JPT2: variants seen among roughly 807,000 people sequenced by gnomAD.
The protein encoded by JPT2 is Jupiter microtubule associated homolog 2, also known as CRAMP_1 like.
JPT2 carries 9 observed loss-of-function variants against 15.9 expected under a neutral mutation model. The ratio of observed to expected loss-of-function variants is 0.57; its 90% CI spans 0.34 to 0.99. JPT2 has a LOEUF of 0.99. Among genes scored for constraint, JPT2 ranks in the 50% least tolerant of loss-of-function variants. JPT2 has a pLI of 0.02. For missense variants in JPT2, 267 were observed against 252.1 expected (o/e 1.06, Z -0.40); for synonymous variants, 95 against 91.7 (o/e 1.04, Z -0.21).
intron 1 of JPT2, chr16:1,683,581 A>G: frequency 2.0e-6 from 3 of 1,535,278 alleles, no homozygotes; most frequent in Non-Finnish European, 1.7e-6. Context: ...GGCCCTGGGC[A>G]CCACTTCAGA....
At chr16:1,687,935 G>A (rs894518115) in intron 2 of JPT2, among the ~76,000 whole-genome samples, 3 of 152,156 alleles carry the variant, frequency 2.0e-5, no homozygotes, top group Admixed American at 2.0e-4. Flanking sequence ...TGCAGAGGCC[G>A]AGAGTGTGTG....
At chr16:1,691,059 G>C (rs2037100573) in intron 2 of JPT2, among the ~76,000 whole-genome samples, 1 of 152,130 alleles carries the variant, frequency 6.6e-6, no homozygotes, top group East Asian at 1.9e-4. Context: ...GTGCACCAGG[G>C]CCATGATTTT....
At chr16:1,686,840 G>T (rs570853932) in intron 2 of JPT2, 2 of 152,324 alleles carry the variant, frequency 1.3e-5, no homozygotes, top group East Asian at 3.9e-4. Context: ...GGTTTGAGAG[G>T]CCGTGCTTAG....
chr16:1,697,750 C>G lies in JPT2; in HGVS notation c.337-62C>G, dbSNP rs2037152944. ...GTTATATGGTCCTGATTTTCATTGT[C>G]CATTTGAATGAGGGTAAAATTTTCT... On this transcript the variant is annotated intron_variant, in intron 3 of 4. Coordinates refer to ENST00000248098, the MANE Select transcript of JPT2 (RefSeq NM_144570.3). 7.4e-6 allele frequency: 11 copies of G among 1,479,472 alleles called. No individual in the cohort carries two copies. In the South Asian group the frequency reaches 1.3e-4, roughly 17 times the overall value. 91.6% of individuals were successfully genotyped at this position (1,479,472 alleles called of 1,614,324 possible). A position where few individuals can be genotyped will look rare whatever the true frequency, so the allele number is the denominator to read the frequency against.
chr16:1,683,457 A>G (rs1381890349), intron 1 of JPT2: 1 of 1,209,406 alleles, frequency 8.3e-7, no homozygotes, highest in Non-Finnish European at 1.2e-6. Flanking sequence ...TTAAAAAATA[A>G]TTTTTCTTAA....
At chr16:1,686,411 G>C (rs2037066996) in intron 2 of JPT2, 1 of 154,890 alleles carries the variant, frequency 6.5e-6, no homozygotes, top group African/African-American at 2.4e-5. Flanking sequence ...AGGTTTCTCA[G>C]CCGGGCGTGG....
At chr16:1,688,295 G>C (rs920003501) in intron 2 of JPT2, 1 of 152,212 alleles carries the variant, frequency 6.6e-6, no homozygotes, top group Non-Finnish European at 1.5e-5. Flanking sequence ...CCGTAGCAGA[G>C]CTAGTCGGTA....
chr16:1,698,235 A>G lies in JPT2; in HGVS notation c.385+375A>G, dbSNP rs1443199726. On this transcript the variant is annotated intron_variant, in intron 4 of 4. Coordinates refer to ENST00000248098, the MANE Select transcript of JPT2 (RefSeq NM_144570.3). This position sits in a 1 kb window ranked among gnomAD's most constrained non-coding sequence, Gnocchi z 4.9. Reference sequence around the variant, plus strand: ...GGAGGATGGGGAGGCGGGTGTCTCCATGGTGAGTCACCCCGGGGGAGTGAG... The same window carrying G: ...GGAGGATGGGGAGGCGGGTGTCTCCGTGGTGAGTCACCCCGGGGGAGTGAG... Among the ~76,000 whole-genome samples, 2 of 152,214 alleles carry G rather than the reference A, an allele frequency of 1.3e-5. No homozygotes were observed. The highest frequency in any genetic ancestry group is 1.3e-4 in the Admixed American group (2 of 15,282).
intron 1 of JPT2, among the ~76,000 whole-genome samples, chr16:1,679,486 A>G (rs1012380797): frequency 3.9e-5 from 6 of 152,130 alleles, no homozygotes; most frequent in Admixed American, 3.3e-4. Context: ...ACGTGAGGTC[A>G]AGAGTTCGAG....
At position 1,698,906 on chromosome 16, in the gene JPT2, G is replaced by C; in HGVS notation, c.481G>C (p.Asp161His). Residue 161 changes from aspartate to histidine, a missense_variant, in exon 5 of 5, where the codon GAC becomes CAC. Coordinates refer to ENST00000248098, the MANE Select transcript of JPT2 (RefSeq NM_144570.3). This position sits in a 1 kb window ranked among gnomAD's most constrained non-coding sequence, Gnocchi z 4.9. Reference sequence around the variant, plus strand: ...GGAGCAGGAGCCCATGCCCACAGTCGACAGCCATGAGCCCCGGCTGGGGCC... The same window carrying C: ...GGAGCAGGAGCCCATGCCCACAGTCCACAGCCATGAGCCCCGGCTGGGGCC... ...AKEQEPMPTV[D>H]SHEPRLGPRP... is the part of the protein sequence containing the mutation. The C allele has an allele frequency of 6.2e-7, 1 of 1,614,214 alleles. No homozygotes were observed. The highest frequency in any genetic ancestry group is 8.5e-7 in the Non-Finnish European group (1 of 1,180,036).
At chr16:1,681,465 T>C (rs2037022752) in intron 1 of JPT2, among the ~76,000 whole-genome samples, 1 of 152,192 alleles carries the variant, frequency 6.6e-6, no homozygotes, top group African/African-American at 2.4e-5. Context: ...TGTGTTTCCA[T>C]CACCCCAAAG....
chr16:1,700,324 C>T lies in JPT2; in HGVS notation c.*1326C>T, dbSNP rs544458756. Reference sequence around the variant, plus strand: ...TCTTCAGGCAGAAGCCTCTGCCCATCCCCCTCAAGGGCTGCAGGCCCAGTT... The same window carrying T: ...TCTTCAGGCAGAAGCCTCTGCCCATTCCCCTCAAGGGCTGCAGGCCCAGTT... On this transcript the variant is annotated 3_prime_UTR_variant, in exon 5 of 5. Transcript: ENST00000248098. 2.1e-4 allele frequency: 76 copies of T among 361,250 alleles called. No individual in the cohort carries two copies. The highest frequency in any genetic ancestry group is 1.3e-3 in the African/African-American group (61 of 47,594). The allele number at this position is 361,250 out of a possible 1,614,324, so 22.4% of individuals were successfully genotyped here. A position where few individuals can be genotyped will look rare whatever the true frequency, so the allele number is the denominator to read the frequency against.
Position 1,701,674 on chromosome 16 carries a change from A to C in JPT2, c.*2676A>C, listed in dbSNP as rs1191147006. The C allele has an allele frequency of 2.0e-5, 3 of 153,358 alleles. No homozygotes were observed. In the East Asian group the frequency reaches 5.7e-4, roughly 29 times the overall value. 9.5% of individuals were successfully genotyped at this position (153,358 alleles called of 1,614,324 possible). ...GTCCTAACATGTCCTTAAGGTGTTTAACCTGCCTCTGACCTGGCTTGCAAT... is the reference window on the plus strand; with the variant it reads ...GTCCTAACATGTCCTTAAGGTGTTTCACCTGCCTCTGACCTGGCTTGCAAT... On this transcript the variant is annotated 3_prime_UTR_variant, in exon 5 of 5. Coordinates refer to ENST00000248098, the MANE Select transcript of JPT2 (RefSeq NM_144570.3).
chr16:1,691,338 T>C (rs2142226612), intron 2 of JPT2, among the ~76,000 whole-genome samples: 1 of 152,358 alleles, frequency 6.6e-6, no homozygotes, highest in South Asian at 2.1e-4. Context: ...ATCTAGTCAC[T>C]GGAAGTACCA....
rs762373159 is a variant in JPT2, at chr16:1,699,023, C to T, written c.*25C>T. 1 of 1,608,654 alleles carries T rather than the reference C, an allele frequency of 6.2e-7. No individual in the cohort carries two copies. Among genetic ancestry groups the T allele is most frequent in the South Asian group, 1.1e-5 (1 of 91,002 alleles). The stretch of plus-strand genomic sequence containing the variant: ...AGAGAAGCCACTGCTCCACCCGGAG[C>T]CAGACCAGAAACTCAAGAGATAGGG... On this transcript the variant is annotated 3_prime_UTR_variant, in exon 5 of 5. Coordinates refer to ENST00000248098, the MANE Select transcript of JPT2 (RefSeq NM_144570.3).
rs540850785 is a variant in JPT2, at chr16:1,685,269, A to C, written c.45-170A>C. On this transcript the variant is annotated intron_variant, in intron 1 of 4. Coordinates refer to ENST00000248098, the MANE Select transcript of JPT2 (RefSeq NM_144570.3). ...CTTGAGCCCAGGAGGCAGAGGTTGC[A>C]GTGAGCCAAAATCACGTCACTGCGC... 1.8e-4 allele frequency: 109 copies of C among 602,522 alleles called. 2 individuals carry two copies. The South Asian group carries it at 2.2e-3, about 12-fold the overall frequency. 37.3% of individuals were successfully genotyped at this position (602,522 alleles called of 1,614,324 possible).
Position 1,701,886 on chromosome 16 carries a change from C to A in JPT2, c.*2888C>A. On this transcript the variant is annotated 3_prime_UTR_variant, in exon 5 of 5. Coordinates refer to ENST00000248098, the MANE Select transcript of JPT2 (RefSeq NM_144570.3). ...ACCCTGTCTATACAAAAAAAAACTTCTCTAAATTAGCCGGATGTGGTGGTG... is the reference window on the plus strand; with the variant it reads ...ACCCTGTCTATACAAAAAAAAACTTATCTAAATTAGCCGGATGTGGTGGTG... The A allele has an allele frequency of 3.4e-6, 1 of 292,186 alleles. No individual in the cohort carries two copies. Among genetic ancestry groups the A allele is most frequent in the South Asian group, 3.1e-5 (1 of 32,742 alleles). The allele number at this position is 292,186 out of a possible 1,614,324, so 18.1% of individuals were successfully genotyped here.
chr16:1,680,299 T>C, intron 1 of JPT2: 1 of 994,034 alleles, frequency 1.0e-6, no homozygotes, highest in Non-Finnish European at 1.2e-6. Flanking sequence ...CGGTAAATGA[T>C]GGTGTTTATT....
chr16:1,687,807 G>A (rs2037078472), intron 2 of JPT2, among the ~76,000 whole-genome samples: 1 of 152,236 alleles, frequency 6.6e-6, no homozygotes, highest in African/African-American at 2.4e-5. Flanking sequence ...GCCTGAAAGG[G>A]AAACTGCTAG....
Sources: gnomAD v4.1 joint callset for allele counts (sites outside exome capture counted in the v4.1 genomes callset) on GRCh38, gnomAD v4.1.1 for gene constraint, Gnocchi (gnomAD v3.1) non-coding constraint, MANE v1.5 for transcripts, NCBI Gene and HGNC (gene_info 2026-07-23, HGNC 2026-07-21) for gene names.